Variants in CSTPP1 observed in about 807,000 individuals in gnomAD.
CSTPP1 encodes UPF0705 protein C11orf49.
chr11:46,981,751 T>TA, the CSTPP1 span, among the ~76,000 whole-genome samples: 1 of 152,064 alleles, frequency 6.6e-6, no homozygotes, highest in Admixed American at 6.6e-5. Flanking sequence ...TTAACCTCTC[T>TA]AGTTTTTAAA....
chr11:47,060,987 G>A, the CSTPP1 span, among the ~76,000 whole-genome samples: 1 of 152,162 alleles, frequency 6.6e-6, no homozygotes, highest in Admixed American at 6.5e-5. Flanking sequence ...GGTTTGACAG[G>A]ATTTGCTGAT....
At chr11:47,011,217 T>C in the CSTPP1 span, among the ~76,000 whole-genome samples, 5 of 152,198 alleles carry the variant, frequency 3.3e-5, no homozygotes, top group Admixed American at 6.5e-5. Context: ...CTGTGAATTA[T>C]CCATTTAAAA....
chr11:47,124,979 C>T, the CSTPP1 span, among the ~76,000 whole-genome samples: 1 of 152,114 alleles, frequency 6.6e-6, no homozygotes, highest in Non-Finnish European at 1.5e-5. Flanking sequence ...TACCAGGAAA[C>T]CATACTTTGA....
At chr11:47,136,669 T>A in the CSTPP1 span, among the ~76,000 whole-genome samples, 1 of 152,182 alleles carries the variant, frequency 6.6e-6, no homozygotes. Context: ...ATCATCATCT[T>A]CATTCCCCAA....
chr11:47,164,019 G>T, the CSTPP1 span: 1 of 1,517,542 alleles, frequency 6.6e-7, no homozygotes, highest in South Asian at 1.3e-5. Flanking sequence ...CAGGACTGCT[G>T]AGGTTGCTCG....
chr11:46,985,554 G>A, the CSTPP1 span, among the ~76,000 whole-genome samples: 7 of 152,244 alleles, frequency 4.6e-5, no homozygotes, highest in South Asian at 2.1e-4. Context: ...TGAATTGGAA[G>A]CTTCTATGTA....
chr11:47,133,464 C>G, the CSTPP1 span, among the ~76,000 whole-genome samples: 3 of 152,186 alleles, frequency 2.0e-5, no homozygotes, highest in African/African-American at 7.2e-5. Context: ...CCTGCACCTG[C>G]CAGGTAGAAG....
At chr11:47,007,007 T>TTG in the CSTPP1 span, among the ~76,000 whole-genome samples, 2 of 138,098 alleles carry the variant, frequency 1.4e-5, no homozygotes. Context: ...TGTGGTTTTT[T>TTG]TTTTTTTTTT....
chr11:47,125,351 C>A, the CSTPP1 span, among the ~76,000 whole-genome samples: 1 of 152,132 alleles, frequency 6.6e-6, no homozygotes, highest in African/African-American at 2.4e-5. Context: ...TTCATAAGCA[C>A]GCCTACATGC....
chr11:47,045,727 T>C, the CSTPP1 span, among the ~76,000 whole-genome samples: 2 of 152,194 alleles, frequency 1.3e-5, no homozygotes, highest in Admixed American at 1.3e-4. Flanking sequence ...ATTGATTTGA[T>C]AAATGTAGGT....
At chr11:47,028,072 C>T in the CSTPP1 span, among the ~76,000 whole-genome samples, 1,332 of 151,998 alleles carry the variant, frequency 8.8e-3, 15 homozygotes, top group African/African-American at 0.031. Flanking sequence ...TACAGGCGCC[C>T]GCCACCATGC....
At chr11:47,089,345 A>C in the CSTPP1 span, among the ~76,000 whole-genome samples, 2 of 152,212 alleles carry the variant, frequency 1.3e-5, no homozygotes, top group Non-Finnish European at 2.9e-5. Flanking sequence ...ATATGGGTCC[A>C]TAATGCCCAT....
chr11:47,069,858 C>A, the CSTPP1 span, among the ~76,000 whole-genome samples: 1 of 152,154 alleles, frequency 6.6e-6, no homozygotes, highest in East Asian at 1.9e-4. Flanking sequence ...GGATTACCGG[C>A]ATGTGCCACC....
At chr11:47,162,537 AGG>A in the CSTPP1 span, among the ~76,000 whole-genome samples, 2 of 152,186 alleles carry the variant, frequency 1.3e-5, no homozygotes, top group Non-Finnish European at 2.9e-5. Context: ...CCTTCCAGCC[AGG>A]GTTTCAGTCA....
the CSTPP1 span, among the ~76,000 whole-genome samples, chr11:47,072,079 TC>T: frequency 6.6e-6 from 1 of 152,208 alleles, no homozygotes. Context: ...CTGAGATTCC[TC>T]CTGGGAAGTC....
chr11:46,939,652 ATAGATAGATAGATAGATAGATAGG>A, the CSTPP1 span, among the ~76,000 whole-genome samples: 2 of 132,840 alleles, frequency 1.5e-5, no homozygotes, highest in Admixed American at 8.1e-5. Flanking sequence ...AGATAGATAG[ATAGATAGATAGATAGATAGATAGG>A]TAGATGTTTT....
the CSTPP1 span, among the ~76,000 whole-genome samples, chr11:46,937,371 T>C: frequency 6.6e-6 from 1 of 152,050 alleles, no homozygotes; most frequent in Admixed American, 6.6e-5. Flanking sequence ...GCCACACAGC[T>C]AGAAAATGGT....
chr11:46,941,948 G>C, the CSTPP1 span, among the ~76,000 whole-genome samples: 18 of 152,166 alleles, frequency 1.2e-4, no homozygotes, highest in Non-Finnish European at 2.4e-4. Flanking sequence ...CCTATCCAAA[G>C]AATATCTAGA....
At chr11:47,052,673 T>G in the CSTPP1 span, 304 of 902,272 alleles carry the variant, frequency 3.4e-4, no homozygotes, top group Non-Finnish European at 4.3e-4. Context: ...GAATGCATGC[T>G]ATTCAAGGCA....
Sources: gnomAD v4.1 joint callset for allele counts (sites outside exome capture counted in the v4.1 genomes callset) on GRCh38, gnomAD v4.1.1 for gene constraint, MANE v1.5 for transcripts, NCBI Gene and HGNC (gene_info 2026-07-23, HGNC 2026-07-21) for gene names.